The following RABGAP1L variants were observed in gnomAD, a reference collection of about 807,000 sequenced individuals.
RABGAP1L encodes the protein rab GTPase-activating protein 1-like.
Under a neutral mutation model 137.7 loss-of-function variants are expected in RABGAP1L, and 63 were observed. The observed-to-expected ratio is 0.46, with a 90% confidence interval of 0.37 to 0.56. RABGAP1L has a LOEUF of 0.56. RABGAP1L is among the 20% of genes least tolerant of loss of function. The pLI, the probability that RABGAP1L is intolerant of heterozygous loss-of-function variation, is 0.00. For synonymous variants in RABGAP1L, 431 were observed against 433.7 expected, an observed-to-expected ratio of 0.99 and a Z score of 0.08; for missense variants, 1,095 against 1,244.0, an observed-to-expected ratio of 0.88 and a Z score of 1.80.
intron 13 of RABGAP1L, among the ~76,000 whole-genome samples, chr1:174,495,878 A>G (rs895985167): frequency 6.6e-6 from 1 of 152,148 alleles, no homozygotes; most frequent in African/African-American, 2.4e-5. Context: ...TAGAATTACT[A>G]GGTCAAAGAC....
intron 13 of RABGAP1L, among the ~76,000 whole-genome samples, chr1:174,451,768 T>C (rs2149259541): frequency 6.6e-6 from 1 of 152,334 alleles, no homozygotes; most frequent in South Asian, 2.1e-4. Flanking sequence ...ATCTTTTTCT[T>C]TGATCTTAAA....
At chr1:174,205,183 T>C (rs1467173832) in intron 1 of RABGAP1L, among the ~76,000 whole-genome samples, 3 of 152,214 alleles carry the variant, frequency 2.0e-5, no homozygotes, top group Non-Finnish European at 4.4e-5. Flanking sequence ...CTTTTTGATG[T>C]GTTGCCGGAT....
intron 13 of RABGAP1L, among the ~76,000 whole-genome samples, chr1:174,488,710 A>C (rs577676133): frequency 2.6e-4 from 39 of 147,352 alleles, no homozygotes; most frequent in African/African-American, 9.5e-4. Flanking sequence ...GGTGTGCTTC[A>C]TTTTTTTTTC....
At chr1:174,559,743 G>A (rs112765716) in intron 13 of RABGAP1L, among the ~76,000 whole-genome samples, 4 of 152,220 alleles carry the variant, frequency 2.6e-5, no homozygotes, top group Non-Finnish European at 5.9e-5. Flanking sequence ...AAAGCCAAAA[G>A]CATGACCTGG....
At chr1:174,835,671 T>G (rs1692665837) in intron 19 of RABGAP1L, among the ~76,000 whole-genome samples, 1 of 152,202 alleles carries the variant, frequency 6.6e-6, no homozygotes, top group Admixed American at 6.5e-5. Context: ...TCTTTTCTGT[T>G]TTATAAGATG....
intron 11 of RABGAP1L, among the ~76,000 whole-genome samples, chr1:174,309,279 A>G (rs1001285613): frequency 1.3e-5 from 2 of 152,078 alleles, no homozygotes; most frequent in Non-Finnish European, 2.9e-5. Context: ...AGGGTTTGCT[A>G]TAAATAAGAT....
intron 13 of RABGAP1L, among the ~76,000 whole-genome samples, chr1:174,599,101 G>C (rs575124285): frequency 1.3e-5 from 2 of 151,032 alleles, no homozygotes; most frequent in South Asian, 4.2e-4. Context: ...GTTTGTATCT[G>C]TTGTAGGTAT....
At chr1:174,182,978 C>A (rs1666497991) in intron 1 of RABGAP1L, among the ~76,000 whole-genome samples, 1 of 152,122 alleles carries the variant, frequency 6.6e-6, no homozygotes, top group Non-Finnish European at 1.5e-5. Flanking sequence ...AAAGCTATTT[C>A]TTTATATGCA....
At chr1:174,523,780 TCCA>T (rs1487530302) in intron 13 of RABGAP1L, among the ~76,000 whole-genome samples, 1 of 152,134 alleles carries the variant, frequency 6.6e-6, no homozygotes, top group African/African-American at 2.4e-5. Flanking sequence ...TCTCTTCATT[TCCA>T]CCTCCCACCA....
intron 19 of RABGAP1L, among the ~76,000 whole-genome samples, chr1:174,813,507 T>A (rs2148863016): frequency 6.6e-6 from 1 of 152,344 alleles, no homozygotes; most frequent in South Asian, 2.1e-4. Flanking sequence ...ACAATCTTTT[T>A]AAATTTAAAT....
intron 4 of RABGAP1L, among the ~76,000 whole-genome samples, chr1:174,239,144 C>T (rs1022164483): frequency 6.6e-6 from 1 of 152,184 alleles, no homozygotes; most frequent in African/African-American, 2.4e-5. Context: ...CGTGCGCGCA[C>T]CAACTGGCCT....
chr1:174,470,310 T>A (rs984588660), intron 13 of RABGAP1L, among the ~76,000 whole-genome samples: 1 of 152,234 alleles, frequency 6.6e-6, no homozygotes. Context: ...ATTTTACATA[T>A]GTACATTCTA....
chr1:174,604,017 G>A (rs1557888832), intron 13 of RABGAP1L, among the ~76,000 whole-genome samples: 2 of 151,948 alleles, frequency 1.3e-5, no homozygotes, highest in South Asian at 4.2e-4. Context: ...TTGTGTTGGC[G>A]AAGAGCTGAC....
intron 17 of RABGAP1L, among the ~76,000 whole-genome samples, chr1:174,736,573 C>T (rs776471041): frequency 6.6e-6 from 1 of 152,240 alleles, no homozygotes; most frequent in Non-Finnish European, 1.5e-5. Flanking sequence ...AGGCAGTGCC[C>T]TGGTGGAGGA....
At chr1:174,903,184 C>T (rs1658425660) in intron 19 of RABGAP1L, among the ~76,000 whole-genome samples, 1 of 152,206 alleles carries the variant, frequency 6.6e-6, no homozygotes, top group African/African-American at 2.4e-5. Context: ...AATTCCAAGA[C>T]ACACAAGTAC....
intron 13 of RABGAP1L, among the ~76,000 whole-genome samples, chr1:174,504,414 G>GAA (rs550618377): frequency 7.1e-6 from 1 of 140,552 alleles, no homozygotes; most frequent in Non-Finnish European, 1.6e-5. Flanking sequence ...AAACTTGAGG[G>GAA]AAAAAAAAAA....
chr1:174,582,001 G>A (rs1011372331), intron 13 of RABGAP1L, among the ~76,000 whole-genome samples: 4 of 152,198 alleles, frequency 2.6e-5, no homozygotes, highest in African/African-American at 9.6e-5. Flanking sequence ...AAAAGATGAT[G>A]AGTTATTGTT....
At chr1:174,247,551 G>A (rs1672367430) in intron 5 of RABGAP1L, among the ~76,000 whole-genome samples, 1 of 152,194 alleles carries the variant, frequency 6.6e-6, no homozygotes, top group Non-Finnish European at 1.5e-5. Context: ...ATATACAAAT[G>A]GTAGCCATTA....
intron 11 of RABGAP1L, among the ~76,000 whole-genome samples, chr1:174,346,392 CTT>C (rs1682430841): frequency 6.6e-6 from 1 of 152,044 alleles, no homozygotes; most frequent in Non-Finnish European, 1.5e-5. Flanking sequence ...TTGCTGAAGA[CTT>C]TTTAATTACG....
Sources: allele counts gnomAD v4.1 joint callset (sites outside exome capture counted in the v4.1 genomes callset), GRCh38; gene constraint gnomAD v4.1.1; transcripts MANE v1.5; gene names NCBI Gene and HGNC (gene_info 2026-07-23, HGNC 2026-07-21).